The following RYR3 variants were observed in gnomAD, a reference collection of about 807,000 sequenced individuals.
RYR3 encodes ryanodine receptor 3.
A neutral mutation model predicts 584.3 loss-of-function variants in RYR3; 207 were observed. That is an observed-to-expected ratio of 0.35 (90% CI 0.32 to 0.40). The LOEUF (loss-of-function observed/expected upper bound fraction) is 0.40, where lower values mean the gene tolerates loss of function less well. RYR3 is among the 10% of genes least tolerant of loss of function. The pLI is 1.00. For synonymous variants in RYR3, 2,416 were observed against 2,248.5 expected, an observed-to-expected ratio of 1.07 and a Z score of -2.11; for missense variants, 5,616 against 6,089.2, an observed-to-expected ratio of 0.92 and a Z score of 2.59.
At chr15:33,815,990 C>A (rs1057487959) in intron 74 of RYR3, 2 of 397,832 alleles carry the variant, frequency 5.0e-6, no homozygotes, top group Middle Eastern at 6.3e-4. Flanking sequence ...CTTTATTGAC[C>A]ATGATTTAAC....
Position 33,837,973 on chromosome 15 carries a change from T to G in RYR3, c.11993T>G (p.Leu3998Trp). The G allele has an allele frequency of 6.2e-7, 1 of 1,614,032 alleles. No individual in the cohort carries two copies. Among genetic ancestry groups the G allele is most frequent in the Non-Finnish European group, 8.5e-7 (1 of 1,179,894 alleles). Residue 3998 changes from leucine (L) to tryptophan (W), a missense_variant, in exon 89 of 104, where the codon TTG becomes TGG. By Grantham distance (61) the Leu-to-Trp change is moderately conservative. This residue lies in a region of RYR3 where 258 missense variants were observed against 297.3 expected (regional missense o/e 0.87). Coordinates refer to ENST00000634891, the MANE Select transcript of RYR3 (RefSeq NM_001036.6). ...KDIGFNVAVL[L>W]TNLSEHMPND... Reference sequence around the variant, plus strand: ...ATAGGGTTTAATGTGGCTGTGTTATTGACAAATCTTTCTGAACACATGCCA... The same window carrying G: ...ATAGGGTTTAATGTGGCTGTGTTATGGACAAATCTTTCTGAACACATGCCA...
intron 1 of RYR3, among the ~76,000 whole-genome samples, chr15:33,401,249 G>A (rs2042645205): frequency 6.6e-6 from 1 of 152,214 alleles, no homozygotes; most frequent in Non-Finnish European, 1.5e-5. Flanking sequence ...ATCTCCTGAT[G>A]ATAGAAGCAC....
intron 1 of RYR3, among the ~76,000 whole-genome samples, chr15:33,356,674 G>A (rs1974021208): frequency 6.6e-6 from 1 of 152,164 alleles, no homozygotes; most frequent in Non-Finnish European, 1.5e-5. Context: ...AAGTAGTAAG[G>A]AGTAAGTGTA....
At position 33,772,135 on chromosome 15, in the gene RYR3, A is replaced by G. The variant is rs759659186; in HGVS notation, c.9032A>G (p.His3011Arg). 1.2e-6 allele frequency: 2 copies of G among 1,612,140 alleles called. No individual in the cohort carries two copies. Among genetic ancestry groups the G allele is most frequent in the African/African-American group, 1.3e-5 (1 of 75,000 alleles). Residue 3011 changes from histidine to arginine, a missense_variant, in exon 63 of 104, where the codon CAT becomes CGT. Coordinates refer to ENST00000634891, the MANE Select transcript of RYR3 (RefSeq NM_001036.6). ...LTSIFEHVTQ[H>R]QFGMDLLLGD... The stretch of plus-strand genomic sequence containing the variant: ...TCCATCTTTGAGCACGTCACTCAGC[A>G]TCAGTTTGGAATGGATCTACTCTGT...
chr15:33,544,363 C>G (rs946459129), intron 8 of RYR3, among the ~76,000 whole-genome samples: 1 of 152,116 alleles, frequency 6.6e-6, no homozygotes, highest in South Asian at 2.1e-4. Flanking sequence ...AATCAAACCT[C>G]AGATCCAAAC....
chr15:33,545,774 A>T lies in RYR3; in HGVS notation c.740+2059A>T, dbSNP rs369184561. ...AGCATGATAGAATAGGAAACAGCAC[A>T]CTAAAAGACTCCAGCAGCCACTAAG... On this transcript the variant is annotated intron_variant, in intron 8 of 103. Transcript: ENST00000634891. Among the ~76,000 whole-genome samples the T allele has an allele frequency of 4.6e-4, 70 of 152,298 alleles. 6 individuals are homozygous for T. In the South Asian group the frequency reaches 0.014, roughly 31 times the overall value.
At chr15:33,698,109 G>C (rs555286077) in intron 40 of RYR3, 113 bp downstream of exon 40, 5 of 738,344 alleles carry the variant, frequency 6.8e-6, no homozygotes, top group Non-Finnish European at 1.2e-5. Flanking sequence ...CTTCCAGGGA[G>C]AGGAAGGGAT....
chr15:33,693,849 G>C (rs1596190380), intron 38 of RYR3, among the ~76,000 whole-genome samples: 1 of 152,194 alleles, frequency 6.6e-6, no homozygotes, highest in South Asian at 2.1e-4. Context: ...TCTCCATCAA[G>C]GATGTTAGCT....
intron 1 of RYR3, among the ~76,000 whole-genome samples, chr15:33,413,872 G>A (rs1165410979): frequency 6.6e-6 from 1 of 152,130 alleles, no homozygotes; most frequent in Non-Finnish European, 1.5e-5. Flanking sequence ...ATAACTTAGA[G>A]TATTGTCATA....
intron 3 of RYR3, among the ~76,000 whole-genome samples, chr15:33,525,909 G>T (rs777099684): frequency 7.2e-5 from 11 of 152,158 alleles, no homozygotes; most frequent in Admixed American, 2.6e-4. Flanking sequence ...CTGAAGTGAG[G>T]TGTGAAAGGA....
intron 103 of RYR3, 71 bp downstream of exon 103, chr15:33,864,260 G>T: frequency 8.2e-7 from 1 of 1,226,452 alleles, no homozygotes. Flanking sequence ...GTAGGGCATA[G>T]GTTATCTGAA....
At chr15:33,445,472 G>A (rs112179238) in intron 1 of RYR3, among the ~76,000 whole-genome samples, 1 of 152,142 alleles carries the variant, frequency 6.6e-6, no homozygotes, top group East Asian at 1.9e-4. Context: ...AGAGACACAT[G>A]TCTGATTTTT....
chr15:33,383,578 C>T (rs1354364029), intron 1 of RYR3, among the ~76,000 whole-genome samples: 1 of 151,910 alleles, frequency 6.6e-6, no homozygotes, highest in African/African-American at 2.4e-5. Context: ...ATTGGGTGTA[C>T]ATTTGCAGGG....
intron 52 of RYR3, among the ~76,000 whole-genome samples, chr15:33,743,053 A>T (rs903558446): frequency 3.9e-5 from 6 of 152,190 alleles, no homozygotes; most frequent in African/African-American, 9.7e-5. Flanking sequence ...TGTGCCAAGG[A>T]TATCCAGGAT....
rs2059658291 is a variant in RYR3, at chr15:33,601,495, A to G, written c.1865A>G (p.Asn622Ser). 1.2e-6 allele frequency: 2 copies of G among 1,613,750 alleles called. No homozygotes were observed. The highest frequency in any genetic ancestry group is 4.5e-5 in the East Asian group (2 of 44,834). ...VRANQNLICD[N>S]LLPRRNLLLQ... ...GCCAACCAGAATCTGATCTGTGACAACTTGCTGCCCCGGAGAAACCTACTC... is the reference window on the plus strand; with the variant it reads ...GCCAACCAGAATCTGATCTGTGACAGCTTGCTGCCCCGGAGAAACCTACTC... Residue 622 changes from asparagine (N) to serine (S), a missense_variant, in exon 17 of 104, where the codon AAC (asparagine) becomes AGC (serine). Transcript: ENST00000634891.
chr15:33,427,287 G>C (rs141150967), intron 1 of RYR3, among the ~76,000 whole-genome samples: 2,325 of 152,258 alleles, frequency 0.015, 26 homozygotes, highest in Non-Finnish European at 0.022. Flanking sequence ...TTTATGAATG[G>C]ATGTTAAGAT....
intron 1 of RYR3, among the ~76,000 whole-genome samples, chr15:33,382,318 G>C (rs1040624461): frequency 4.8e-5 from 5 of 103,266 alleles, no homozygotes; most frequent in Non-Finnish European, 9.2e-5. Flanking sequence ...TTTAAAAGTG[G>C]CTTTTTTTTT....
At chr15:33,494,977 C>T (rs530472098) in intron 2 of RYR3, among the ~76,000 whole-genome samples, 1 of 152,150 alleles carries the variant, frequency 6.6e-6, no homozygotes, top group Non-Finnish European at 1.5e-5. Context: ...TTGAAACTTG[C>T]ACCATCATCC....
At chr15:33,671,273 G>A (rs751844903) in intron 38 of RYR3, among the ~76,000 whole-genome samples, 2 of 152,152 alleles carry the variant, frequency 1.3e-5, no homozygotes, top group Non-Finnish European at 2.9e-5. Flanking sequence ...CCTTGGTACA[G>A]ATTCAGCAAA....
Sources: gnomAD v4.1 joint callset for allele counts (sites outside exome capture counted in the v4.1 genomes callset) on GRCh38, gnomAD v4.1.1 for gene constraint, gnomAD v4.1.1 regional missense constraint, MANE v1.5 for transcripts, NCBI Gene and HGNC (gene_info 2026-07-23, HGNC 2026-07-21) for gene names.